The following CSMD1 variants were observed in gnomAD, a reference collection of about 807,000 sequenced individuals.
The protein encoded by CSMD1 is CUB and Sushi multiple domains 1.
In CSMD1, 213 loss-of-function variants were observed where a neutral mutation model predicts 417.5. The ratio of observed to expected loss-of-function variants is 0.51; its 90% CI spans 0.46 to 0.57. CSMD1 has a LOEUF of 0.57. CSMD1 is among the 20% of genes least tolerant of loss of function. The pLI is 0.00. For synonymous variants in CSMD1, 2,862 were observed against 1,736.8 expected (o/e 1.65, Z -16.11); for missense variants, 6,923 against 4,529.7 (o/e 1.53, Z -15.17).
At chr8:3,459,260 G>A (rs911349922) in intron 12 of CSMD1, among the ~76,000 whole-genome samples, 6 of 152,188 alleles carry the variant, frequency 3.9e-5, no homozygotes, top group Non-Finnish European at 8.8e-5. Context: ...CTGACTCATG[G>A]ACCAGAGTGA....
chr8:4,169,800 C>G lies in CSMD1; in HGVS notation c.416-137701G>C, dbSNP rs189563026. 8.1e-4 allele frequency among the ~76,000 whole-genome samples: 124 copies of G among 152,258 alleles called. 1 individual carries two copies. The highest frequency in any genetic ancestry group is 1.4e-3 in the Non-Finnish European group (98 of 68,026). On this transcript the variant is annotated intron_variant, in intron 3 of 69. Coordinates refer to ENST00000635120, the MANE Select transcript of CSMD1 (RefSeq NM_033225.6). Reference sequence around the variant, plus strand: ...CTTTACCGTTAAACGTATCTTCCTTCCACCAGCAGCACTTTCTGTCTGCCC... The same window carrying G: ...CTTTACCGTTAAACGTATCTTCCTTGCACCAGCAGCACTTTCTGTCTGCCC...
chr8:3,512,790 G>C (rs1184598940), intron 10 of CSMD1, among the ~76,000 whole-genome samples: 1 of 151,646 alleles, frequency 6.6e-6, no homozygotes, highest in Non-Finnish European at 1.5e-5. Context: ...TTTTTTACTA[G>C]AGACAGGGTT....
chr8:3,906,767 A>G (rs1002933686), intron 5 of CSMD1, among the ~76,000 whole-genome samples: 31 of 152,350 alleles, frequency 2.0e-4, no homozygotes, highest in Admixed American at 7.8e-4. Context: ...ACAAGAGGAA[A>G]AATGACTTTT....
intron 3 of CSMD1, among the ~76,000 whole-genome samples, chr8:4,417,530 G>C (rs1797010829): frequency 6.6e-6 from 1 of 151,892 alleles, no homozygotes; most frequent in African/African-American, 2.4e-5. Context: ...AAAAAAACAT[G>C]AATTTATTAT....
intron 2 of CSMD1, among the ~76,000 whole-genome samples, chr8:4,561,278 G>A (rs1193619268): frequency 4.6e-5 from 7 of 152,198 alleles, no homozygotes; most frequent in Admixed American, 4.6e-4. Flanking sequence ...GGAGGCTGAG[G>A]CAGGGGAATC....
intron 2 of CSMD1, among the ~76,000 whole-genome samples, chr8:4,630,714 T>C (rs763098782): frequency 6.6e-6 from 1 of 152,176 alleles, no homozygotes; most frequent in African/African-American, 2.4e-5. Flanking sequence ...TGTCCACCTC[T>C]GGTGCCCTCA....
intron 49 of CSMD1, among the ~76,000 whole-genome samples, chr8:3,058,016 A>C (rs1812351730): frequency 6.6e-6 from 1 of 151,902 alleles, no homozygotes; most frequent in Non-Finnish European, 1.5e-5. Context: ...GCTTATTCTC[A>C]CTTTCTTGCC....
At chr8:4,591,705 A>C (rs531790510) in intron 2 of CSMD1, among the ~76,000 whole-genome samples, 1 of 152,296 alleles carries the variant, frequency 6.6e-6, no homozygotes, top group Admixed American at 6.5e-5. Flanking sequence ...ATAAATATGC[A>C]ATGAAAATTG....
chr8:3,219,695 C>G (rs1410878671), intron 28 of CSMD1, among the ~76,000 whole-genome samples: 1 of 152,014 alleles, frequency 6.6e-6, no homozygotes, highest in Non-Finnish European at 1.5e-5. Flanking sequence ...TGACCACAGC[C>G]AAAAGGAAAT....
chr8:3,145,886 C>T (rs1585472751), intron 40 of CSMD1, among the ~76,000 whole-genome samples: 1 of 152,192 alleles, frequency 6.6e-6, no homozygotes, highest in Admixed American at 6.5e-5. Flanking sequence ...AAATTAAGTG[C>T]CAGTGACAAG....
chr8:4,115,954 G>C (rs1158276129), intron 3 of CSMD1, among the ~76,000 whole-genome samples: 1 of 149,990 alleles, frequency 6.7e-6, no homozygotes, highest in Admixed American at 6.7e-5. Context: ...AGAAAACAGG[G>C]TTTTCATTAT....
intron 41 of CSMD1, among the ~76,000 whole-genome samples, chr8:3,122,634 A>T (rs1415932597): frequency 6.6e-6 from 1 of 152,142 alleles, no homozygotes; most frequent in African/African-American, 2.4e-5. Flanking sequence ...ATAGTGAATG[A>T]GTCTCACGAG....
chr8:3,847,936 T>C (rs1386218856), intron 5 of CSMD1, among the ~76,000 whole-genome samples: 1 of 152,216 alleles, frequency 6.6e-6, no homozygotes, highest in African/African-American at 2.4e-5. Context: ...GCATATTTTC[T>C]TGGCTTCAAA....
chr8:4,368,725 C>A (rs998981617), intron 3 of CSMD1, among the ~76,000 whole-genome samples: 1 of 152,030 alleles, frequency 6.6e-6, no homozygotes, highest in African/African-American at 2.4e-5. Flanking sequence ...TTTATCTAGT[C>A]TCCTAGGTTT....
intron 5 of CSMD1, among the ~76,000 whole-genome samples, chr8:3,935,432 T>C (rs555858060): frequency 1.1e-4 from 17 of 152,310 alleles, no homozygotes; most frequent in African/African-American, 1.9e-4. Flanking sequence ...TTTTGAAAAA[T>C]TGAAGTTTCC....
intron 5 of CSMD1, among the ~76,000 whole-genome samples, chr8:3,926,759 A>T (rs1439858605): frequency 1.7e-5 from 2 of 119,098 alleles, no homozygotes; most frequent in African/African-American, 6.7e-5. Context: ...CTCTGTAGCC[A>T]GGGTGGAATG....
chr8:4,698,919 C>T (rs1807317052), intron 1 of CSMD1, among the ~76,000 whole-genome samples: 1 of 151,712 alleles, frequency 6.6e-6, no homozygotes, highest in South Asian at 2.1e-4. Context: ...CACACACACA[C>T]ACACACACAC....
intron 30 of CSMD1, among the ~76,000 whole-genome samples, chr8:3,211,408 G>A (rs1371117152): frequency 6.6e-6 from 1 of 152,172 alleles, no homozygotes; most frequent in African/African-American, 2.4e-5. Flanking sequence ...AACAGCTGCT[G>A]AGATGGTCAG....
intron 3 of CSMD1, among the ~76,000 whole-genome samples, chr8:4,093,411 C>A (rs1005320543): frequency 6.6e-6 from 1 of 152,042 alleles, no homozygotes; most frequent in African/African-American, 2.4e-5. Context: ...TTAAAGCCAA[C>A]AGAGGTGTAC....
Sources: gnomAD v4.1 joint callset for allele counts (sites outside exome capture counted in the v4.1 genomes callset) on GRCh38, gnomAD v4.1.1 for gene constraint, MANE v1.5 for transcripts, NCBI Gene and HGNC (gene_info 2026-07-23, HGNC 2026-07-21) for gene names.